The following PDGFD variants were observed in gnomAD, a reference collection of about 807,000 sequenced individuals.
PDGFD encodes the protein platelet-derived growth factor D.
Under a neutral mutation model 44.7 loss-of-function variants are expected in PDGFD, and 30 were observed. The ratio of observed to expected loss-of-function variants is 0.67; its 90% CI spans 0.50 to 0.91. PDGFD has a LOEUF of 0.91. Ranked by LOEUF, PDGFD falls within the 40% of genes least tolerant of loss-of-function variation. The pLI is 0.00. For synonymous variants in PDGFD, 173 were observed against 168.4 expected (o/e 1.03, Z -0.21); for missense variants, 445 against 457.8 (o/e 0.97, Z 0.25).
chr11:104,136,247 C>T (rs74810993), intron 1 of PDGFD, among the ~76,000 whole-genome samples: 1 of 152,178 alleles, frequency 6.6e-6, no homozygotes, highest in Non-Finnish European at 1.5e-5. Context: ...CTATATATGA[C>T]TGAATGCTCT....
At chr11:104,115,778 T>G (rs1180957151) in intron 1 of PDGFD, among the ~76,000 whole-genome samples, 1 of 152,132 alleles carries the variant, frequency 6.6e-6, no homozygotes, top group Non-Finnish European at 1.5e-5. Context: ...TGCATTTCCC[T>G]GATCATTAGT....
chr11:104,076,476 C>G (rs1860959929), intron 1 of PDGFD, among the ~76,000 whole-genome samples: 1 of 152,124 alleles, frequency 6.6e-6, no homozygotes, highest in Admixed American at 6.5e-5. Context: ...TTGCAAGTTT[C>G]ACATGAGAAT....
chr11:104,064,738 T>C (rs1320584162), intron 1 of PDGFD, among the ~76,000 whole-genome samples: 1 of 152,228 alleles, frequency 6.6e-6, no homozygotes, highest in Non-Finnish European at 1.5e-5. Context: ...TACTTTCACA[T>C]TTAATTCCAT....
intron 2 of PDGFD, among the ~76,000 whole-genome samples, chr11:103,999,544 G>A (rs941229833): frequency 4.6e-5 from 7 of 151,618 alleles, no homozygotes; most frequent in Non-Finnish European, 1.0e-4. Context: ...CTTCCCACCC[G>A]TATCTGAGGC....
chr11:103,931,134 G>T (rs1330855502), intron 5 of PDGFD, among the ~76,000 whole-genome samples: 1 of 152,148 alleles, frequency 6.6e-6, no homozygotes, highest in Non-Finnish European at 1.5e-5. Context: ...CACAACATGG[G>T]TGGTGATCAG....
intron 3 of PDGFD, among the ~76,000 whole-genome samples, chr11:103,973,516 T>G (rs1279505100): frequency 1.3e-5 from 2 of 152,080 alleles, no homozygotes; most frequent in Non-Finnish European, 2.9e-5. Flanking sequence ...CAGAAGTAGT[T>G]GATAATCCTG....
chr11:104,120,218 C>T (rs1186056221), intron 1 of PDGFD, among the ~76,000 whole-genome samples: 1 of 151,468 alleles, frequency 6.6e-6, no homozygotes, highest in Non-Finnish European at 1.5e-5. Flanking sequence ...ATCATCATCC[C>T]AATCAAAGGC....
intron 1 of PDGFD, among the ~76,000 whole-genome samples, chr11:104,118,839 T>C (rs1422615503): frequency 9.5e-5 from 3 of 31,458 alleles, no homozygotes; most frequent in Non-Finnish European, 1.8e-4. Context: ...TATTAATATA[T>C]AATATATTAT....
At chr11:104,079,958 C>A (rs1861020185) in intron 1 of PDGFD, among the ~76,000 whole-genome samples, 1 of 152,182 alleles carries the variant, frequency 6.6e-6, no homozygotes, top group South Asian at 2.1e-4. Flanking sequence ...GCTCTGAATT[C>A]TATGCCATGC....
intron 3 of PDGFD, among the ~76,000 whole-genome samples, chr11:103,963,136 C>G (rs369759700): frequency 2.0e-5 from 3 of 152,124 alleles, no homozygotes; most frequent in Admixed American, 6.6e-5. Context: ...TAGAAAAGTG[C>G]CTGTCACATA....
chr11:104,161,888 C>A (rs1862392636), intron 1 of PDGFD, among the ~76,000 whole-genome samples: 1 of 151,922 alleles, frequency 6.6e-6, no homozygotes, highest in Admixed American at 6.6e-5. Context: ...CCTTCCTAGT[C>A]TTGCTTGTAA....
intron 3 of PDGFD, among the ~76,000 whole-genome samples, chr11:103,964,291 C>A: frequency 6.6e-6 from 1 of 152,152 alleles, no homozygotes; most frequent in African/African-American, 2.4e-5. Context: ...TGCGGCTCAG[C>A]TACAGGTGAT....
At chr11:103,949,099 T>C (rs1858707447) in intron 3 of PDGFD, among the ~76,000 whole-genome samples, 1 of 148,070 alleles carries the variant, frequency 6.8e-6, no homozygotes, top group African/African-American at 2.5e-5. Context: ...GCCTCCCAGG[T>C]TCAAGCAATT....
At chr11:104,080,281 G>A (rs901044652) in intron 1 of PDGFD, among the ~76,000 whole-genome samples, 3 of 152,092 alleles carry the variant, frequency 2.0e-5, no homozygotes, top group Non-Finnish European at 4.4e-5. Flanking sequence ...TGAATAATAT[G>A]TTATAATATA....
chr11:103,972,549 T>C (rs1859119523), intron 3 of PDGFD, among the ~76,000 whole-genome samples: 1 of 152,156 alleles, frequency 6.6e-6, no homozygotes, highest in African/African-American at 2.4e-5. Context: ...CTTCGTGACA[T>C]TACAGAGTAA....
chr11:104,087,440 C>T (rs1037130583), intron 1 of PDGFD, among the ~76,000 whole-genome samples: 1 of 152,032 alleles, frequency 6.6e-6, no homozygotes, highest in Non-Finnish European at 1.5e-5. Context: ...ATCTCCTGGC[C>T]TCATGATCCA....
intron 6 of PDGFD, among the ~76,000 whole-genome samples, chr11:103,910,181 T>C (rs1373528958): frequency 2.0e-5 from 3 of 152,366 alleles, no homozygotes; most frequent in South Asian, 2.1e-4. Flanking sequence ...GCATGTGTTA[T>C]AGATGAATAC....
At chr11:104,012,762 GT>G (rs1159073229) in intron 1 of PDGFD, among the ~76,000 whole-genome samples, 1 of 152,200 alleles carries the variant, frequency 6.6e-6, no homozygotes, top group Non-Finnish European at 1.5e-5. Flanking sequence ...TCCACTTCAT[GT>G]TTTCTCACTC....
In PDGFD at chr11:104,046,355, A is replaced by G. The variant is rs1860442303; in HGVS notation, c.125-46100T>C. Among the ~76,000 whole-genome samples, 2 of 147,812 alleles carry G rather than the reference A, an allele frequency of 1.4e-5. 1 individual carries two copies. The highest frequency in any genetic ancestry group is 1.4e-4 in the Admixed American group (2 of 14,772). On this transcript the variant is annotated intron_variant, in intron 1 of 6. Transcript: ENST00000393158. Reference sequence around the variant, plus strand: ...AGAAAAATTATATATGTAAGAGCCAATGCTACAGGCCTCATTCTATCAGAA... The same window carrying G: ...AGAAAAATTATATATGTAAGAGCCAGTGCTACAGGCCTCATTCTATCAGAA...
Sources: gnomAD v4.1 joint callset for allele counts (sites outside exome capture counted in the v4.1 genomes callset) on GRCh38, gnomAD v4.1.1 for gene constraint, MANE v1.5 for transcripts, NCBI Gene and HGNC (gene_info 2026-07-23, HGNC 2026-07-21) for gene names.